Variants in KCNMA1 observed in about 807,000 individuals in gnomAD.
The protein encoded by KCNMA1 is Calcium-activated potassium channel subunit alpha-1.
A neutral mutation model predicts 140.0 loss-of-function variants in KCNMA1; 29 were observed. The observed-to-expected ratio is 0.21, with a 90% CI of 0.15 to 0.28. KCNMA1 has a LOEUF of 0.28. KCNMA1 is among the 10% of genes least tolerant of loss of function. KCNMA1 has a pLI of 1.00. For missense variants in KCNMA1, 880 were observed against 1,602.2 expected (o/e 0.55, Z 7.70); for synonymous variants, 612 against 611.9 (o/e 1.00, Z 0.00).
chr10:77,047,444 A>T (rs886461005), intron 14 of KCNMA1, among the ~76,000 whole-genome samples: 1 of 152,182 alleles, frequency 6.6e-6, no homozygotes, highest in Non-Finnish European at 1.5e-5. Context: ...CCATTATCCC[A>T]ACCAGGTTTA....
intron 20 of KCNMA1, among the ~76,000 whole-genome samples, chr10:76,957,815 C>T (rs1707436569): frequency 6.6e-6 from 1 of 152,216 alleles, no homozygotes; most frequent in Admixed American, 6.5e-5. Flanking sequence ...TAAGGGCCAG[C>T]ACTGTTACAC....
At chr10:76,954,003 C>A in intron 20 of KCNMA1, 79 bp from the exon 21 acceptor site, 1 of 1,469,172 alleles carries the variant, frequency 6.8e-7, no homozygotes, top group Non-Finnish European at 9.4e-7. Context: ...AATTACATCT[C>A]AGAGGATGTG....
At chr10:77,546,984 G>T (rs1186920259) in intron 1 of KCNMA1, among the ~76,000 whole-genome samples, 1 of 152,152 alleles carries the variant, frequency 6.6e-6, no homozygotes, top group Non-Finnish European at 1.5e-5. Context: ...ATGGCACATG[G>T]TCAAGACACA....
chr10:77,279,379 A>G (rs2067666680), intron 2 of KCNMA1, among the ~76,000 whole-genome samples: 1 of 152,218 alleles, frequency 6.6e-6, no homozygotes, highest in African/African-American at 2.4e-5. Flanking sequence ...AATGGTGAGA[A>G]GAGATGAAAG....
intron 25 of KCNMA1, among the ~76,000 whole-genome samples, chr10:76,908,243 G>C (rs1304524479): frequency 6.6e-6 from 1 of 152,174 alleles, no homozygotes; most frequent in East Asian, 1.9e-4. Context: ...GCTTGCTCAA[G>C]GAGTTTGCCC....
intron 1 of KCNMA1, among the ~76,000 whole-genome samples, chr10:77,597,134 A>G (rs2081179869): frequency 6.6e-6 from 1 of 152,194 alleles, no homozygotes; most frequent in African/African-American, 2.4e-5. Context: ...GAAAGAAACC[A>G]TACCCTGACA....
intron 2 of KCNMA1, among the ~76,000 whole-genome samples, chr10:77,257,972 G>A (rs1415740490): frequency 1.3e-5 from 2 of 152,162 alleles, no homozygotes; most frequent in Non-Finnish European, 2.9e-5. Flanking sequence ...AATATAACCA[G>A]GCACACAGGA....
intron 9 of KCNMA1, among the ~76,000 whole-genome samples, chr10:77,103,987 G>C (rs2097151084): frequency 6.6e-6 from 1 of 152,210 alleles, no homozygotes; most frequent in Admixed American, 6.5e-5. Context: ...AGTCTCAAGA[G>C]ATGACATGGA....
At chr10:77,297,976 G>T (rs1374996092) in intron 2 of KCNMA1, among the ~76,000 whole-genome samples, 1 of 152,140 alleles carries the variant, frequency 6.6e-6, no homozygotes, top group Non-Finnish European at 1.5e-5. Flanking sequence ...ACAGCAATTG[G>T]TATCCATCCC....
chr10:77,316,439 AAGT>A (rs1438154356), intron 2 of KCNMA1, among the ~76,000 whole-genome samples: 1 of 152,204 alleles, frequency 6.6e-6, no homozygotes, highest in African/African-American at 2.4e-5. Flanking sequence ...TTACCAGCTT[AAGT>A]AGTTTAGACC....
intron 2 of KCNMA1, among the ~76,000 whole-genome samples, chr10:77,287,352 T>C: frequency 6.6e-6 from 1 of 152,188 alleles, no homozygotes; most frequent in East Asian, 1.9e-4. Context: ...GGAGCCTGCA[T>C]CAGGAAAGCA....
At chr10:77,375,829 A>G (rs1431670550) in intron 2 of KCNMA1, among the ~76,000 whole-genome samples, 2 of 152,196 alleles carry the variant, frequency 1.3e-5, no homozygotes, top group Non-Finnish European at 2.9e-5. Flanking sequence ...AGCCCATCCC[A>G]GCACTCATTC....
In KCNMA1 at chr10:77,025,270, A is replaced by G. The variant is rs1185515112; in HGVS notation, c.1928+2553T>C. ...TATATATATATATATATATATATAT[A>G]TATATATATATACACACACACATAT... On this transcript the variant is annotated intron_variant, in intron 16 of 27. Transcript: ENST00000286628. Among the ~76,000 whole-genome samples, 2 of 132,684 alleles carry G rather than the reference A, an allele frequency of 1.5e-5. 1 individual carries two copies. Among genetic ancestry groups the G allele is most frequent in the African/African-American group, 5.5e-5 (2 of 36,628 alleles). The allele number at this position is 132,684 out of a possible 152,430, so 87.0% of individuals were successfully genotyped here.
At chr10:77,253,528 T>C (rs769120079) in intron 2 of KCNMA1, among the ~76,000 whole-genome samples, 7 of 152,244 alleles carry the variant, frequency 4.6e-5, no homozygotes, top group Non-Finnish European at 1.0e-4. Flanking sequence ...TGGGGACTAA[T>C]GCATTCCTTA....
intron 2 of KCNMA1, among the ~76,000 whole-genome samples, chr10:77,364,318 G>C (rs2094199191): frequency 6.6e-6 from 1 of 152,156 alleles, no homozygotes; most frequent in Middle Eastern, 3.4e-3. Context: ...AGGTATGGTG[G>C]TGTGTGCCTG....
intron 19 of KCNMA1, among the ~76,000 whole-genome samples, chr10:76,981,278 C>A (rs1565343915): frequency 6.6e-6 from 1 of 152,128 alleles, no homozygotes; most frequent in South Asian, 2.1e-4. Flanking sequence ...TCACCTTTGT[C>A]CCTTGTTTCA....
chr10:77,437,749 C>T (rs940391918), intron 1 of KCNMA1, among the ~76,000 whole-genome samples: 6 of 152,172 alleles, frequency 3.9e-5, no homozygotes, highest in African/African-American at 1.2e-4. Context: ...AGGCAGGAGG[C>T]CTGCACCGGG....
intron 2 of KCNMA1, among the ~76,000 whole-genome samples, chr10:77,253,282 CTGTG>C (rs927965325): frequency 8.5e-5 from 13 of 152,172 alleles, no homozygotes; most frequent in African/African-American, 3.1e-4. Context: ...ATTTGGCTCC[CTGTG>C]TGTGTATCTG....
intron 1 of KCNMA1, among the ~76,000 whole-genome samples, chr10:77,475,340 T>C (rs1014030858): frequency 2.0e-5 from 3 of 152,144 alleles, no homozygotes; most frequent in African/African-American, 7.2e-5. Flanking sequence ...CCGGAGTGCC[T>C]GTCTTCTCCC....
Sources: allele counts gnomAD v4.1 joint callset (sites outside exome capture counted in the v4.1 genomes callset), GRCh38; gene constraint gnomAD v4.1.1; transcripts MANE v1.5; gene names NCBI Gene and HGNC (gene_info 2026-07-23, HGNC 2026-07-21).